TRDN: variants seen among roughly 807,000 people sequenced by gnomAD.
The protein encoded by TRDN is triadin in skeletal muscle.
TRDN carries 161 observed loss-of-function variants against 149.7 expected under a neutral mutation model. The ratio of observed to expected loss-of-function variants is 1.08; its 90% CI spans 0.95 to 1.23. The LOEUF (loss-of-function observed/expected upper bound fraction) is 1.23, where lower values mean the gene tolerates loss of function less well. TRDN is among the 50% of genes most tolerant of loss of function. The pLI, the probability that TRDN is intolerant of heterozygous loss-of-function variation, is 0.00. For synonymous variants in TRDN, 294 were observed against 250.5 expected, an observed-to-expected ratio of 1.17 and a Z score of -1.64; for missense variants, 896 against 823.5, an observed-to-expected ratio of 1.09 and a Z score of -1.08.
chr6:123,260,928 T>C (rs145749769), intron 33 of TRDN, among the ~76,000 whole-genome samples: 2 of 151,820 alleles, frequency 1.3e-5, no homozygotes, highest in Admixed American at 6.6e-5. Context: ...ATCTAGTACT[T>C]GATAGAACAA....
chr6:123,405,030 G>C (rs1262174108), intron 12 of TRDN, among the ~76,000 whole-genome samples: 4 of 152,208 alleles, frequency 2.6e-5, no homozygotes, highest in Admixed American at 6.5e-5. Flanking sequence ...TAAGGTTACT[G>C]AATATTGACA....
rs114907207 is a variant in TRDN at position 123,547,096 on chromosome 6, G to C, written c.424+244C>G. Among the ~76,000 whole-genome samples the C allele has an allele frequency of 6.9e-3, 1,053 of 151,992 alleles. 16 individuals are homozygous for C. The highest frequency in any genetic ancestry group is 0.024 in the African/African-American group (1,007 of 41,452). ...ATTCCTCAAATTCCAGCTCATATTG[G>C]TCTGTGTATAAATGAATCCATACAA... On this transcript the variant is annotated intron_variant, in intron 4 of 40. Coordinates refer to ENST00000334268, the MANE Select transcript of TRDN (RefSeq NM_006073.4).
intron 12 of TRDN, among the ~76,000 whole-genome samples, chr6:123,406,056 T>A (rs769869024): frequency 1.3e-5 from 2 of 152,232 alleles, no homozygotes; most frequent in Non-Finnish European, 2.9e-5. Context: ...TGATTCTTCA[T>A]CCTTCATTTG....
chr6:123,284,736 C>T (rs1777739264), intron 24 of TRDN, among the ~76,000 whole-genome samples: 1 of 151,966 alleles, frequency 6.6e-6, no homozygotes, highest in African/African-American at 2.4e-5. Flanking sequence ...TCGCTGTTTG[C>T]TGAGGATATA....
intron 27 of TRDN, among the ~76,000 whole-genome samples, chr6:123,274,359 A>C (rs1299871598): frequency 6.6e-6 from 1 of 152,142 alleles, no homozygotes; most frequent in Admixed American, 6.6e-5. Flanking sequence ...GTTAAGCATG[A>C]TTATTATTAA....
At chr6:123,629,264 T>C (rs1259826250) in intron 1 of TRDN, among the ~76,000 whole-genome samples, 2 of 152,164 alleles carry the variant, frequency 1.3e-5, no homozygotes, top group African/African-American at 4.8e-5. Flanking sequence ...ATATGTATTT[T>C]GAACGTCTGT....
At chr6:123,456,851 A>G (rs949299864) in intron 10 of TRDN, 2 of 456,056 alleles carry the variant, frequency 4.4e-6, no homozygotes, top group South Asian at 3.1e-5. Context: ...CACTCATTCT[A>G]GAGAGGGAAA....
chr6:123,491,845 T>A (rs1457196888), intron 9 of TRDN, among the ~76,000 whole-genome samples: 1 of 152,284 alleles, frequency 6.6e-6, no homozygotes, highest in East Asian at 1.9e-4. Flanking sequence ...GAGCAGGATT[T>A]TTTTCAGAAG....
At chr6:123,427,858 C>T (rs1411877566) in intron 12 of TRDN, among the ~76,000 whole-genome samples, 1 of 152,112 alleles carries the variant, frequency 6.6e-6, no homozygotes, top group Non-Finnish European at 1.5e-5. Context: ...TAATTCTTTA[C>T]TACACATAAT....
intron 39 of TRDN, among the ~76,000 whole-genome samples, chr6:123,223,717 C>CTTCT (rs1554214201): frequency 6.8e-6 from 1 of 146,842 alleles, no homozygotes; most frequent in African/African-American, 2.6e-5. Flanking sequence ...TCCTTCCTTC[C>CTTCT]TTCCTTCCTT....
intron 9 of TRDN, among the ~76,000 whole-genome samples, chr6:123,482,322 T>A (rs913206541): frequency 6.6e-6 from 1 of 152,238 alleles, no homozygotes; most frequent in Non-Finnish European, 1.5e-5. Flanking sequence ...TAACATAAAC[T>A]GAAATATTTT....
intron 2 of TRDN, among the ~76,000 whole-genome samples, chr6:123,554,113 A>G (rs1255057793): frequency 6.6e-6 from 1 of 152,198 alleles, no homozygotes; most frequent in African/African-American, 2.4e-5. Flanking sequence ...AACTCATGAA[A>G]CAACTAATGT....
intron 16 of TRDN, among the ~76,000 whole-genome samples, chr6:123,379,346 T>C (rs1269060620): frequency 1.3e-5 from 2 of 152,102 alleles, no homozygotes; most frequent in Middle Eastern, 3.2e-3. Flanking sequence ...ATGAAACAAA[T>C]GGCTTGGCCA....
intron 1 of TRDN, among the ~76,000 whole-genome samples, chr6:123,573,265 G>T (rs2114547028): frequency 6.6e-6 from 1 of 152,144 alleles, no homozygotes; most frequent in South Asian, 2.1e-4. Context: ...TCAATTTGCA[G>T]GTGTGTGATG....
At chr6:123,370,363 C>T (rs9388231) in intron 19 of TRDN, among the ~76,000 whole-genome samples, 51,959 of 151,616 alleles carry the variant, frequency 0.34, 9,507 homozygotes, top group East Asian at 0.72. Flanking sequence ...ATAAATTAAA[C>T]TGTATTATTT....
In TRDN at chr6:123,269,142, T is replaced by A. The variant is rs78791802; in HGVS notation, c.1738+707A>T. On this transcript the variant is annotated intron_variant, in intron 31 of 40. Transcript: ENST00000334268. ...GACCAACATCACAATTTTGACACAA[T>A]ATTGAATATATTTGCTACCACAGTG... Among the ~76,000 whole-genome samples, 3 of 152,088 alleles carry A rather than the reference T, an allele frequency of 2.0e-5. No individual in the cohort carries two copies. In the East Asian group the frequency reaches 5.8e-4, roughly 29 times the overall value.
At chr6:123,442,415 G>A (rs1774961950) in intron 10 of TRDN, 1 of 140,310 alleles carries the variant, frequency 7.1e-6, no homozygotes, top group Non-Finnish European at 1.5e-5. Context: ...GCGTGATGGT[G>A]GGCGCCTGTA....
chr6:123,467,895 G>A (rs757354111), intron 9 of TRDN, among the ~76,000 whole-genome samples: 1 of 152,118 alleles, frequency 6.6e-6, no homozygotes, highest in African/African-American at 2.4e-5. Context: ...AGTCACATGG[G>A]TATTAAGCGA....
At chr6:123,358,470 T>C (rs764516133) in intron 20 of TRDN, among the ~76,000 whole-genome samples, 12 of 151,702 alleles carry the variant, frequency 7.9e-5, no homozygotes, top group Non-Finnish European at 1.8e-4. Flanking sequence ...TATTAGCAGG[T>C]ACTTTTTTTT....
Sources: gnomAD v4.1 joint callset for allele counts (sites outside exome capture counted in the v4.1 genomes callset) on GRCh38, gnomAD v4.1.1 for gene constraint, MANE v1.5 for transcripts, NCBI Gene and HGNC (gene_info 2026-07-23, HGNC 2026-07-21) for gene names.